GLRA2: variants seen among roughly 807,000 people sequenced by gnomAD.
The protein encoded by GLRA2 is glycine receptor alpha 2.
In GLRA2, 11 loss-of-function variants were observed where a neutral mutation model predicts 31.6. The ratio of observed to expected loss-of-function variants is 0.35; its 90% confidence interval spans 0.22 to 0.58. GLRA2 has a LOEUF of 0.58. Among genes scored for constraint, GLRA2 ranks in the 20% least tolerant of loss-of-function variants. The pLI is 0.84. For missense variants in GLRA2, 212 were observed against 351.8 expected, an observed-to-expected ratio of 0.60 and a Z score of 3.18; for synonymous variants, 132 against 134.0, an observed-to-expected ratio of 0.99 and a Z score of 0.10.
intron 3 of GLRA2, among the ~76,000 whole-genome samples, chrX:14,578,008 A>T (rs1163061481): frequency 9.0e-6 from 1 of 111,505 alleles, no homozygotes; most frequent in Non-Finnish European, 1.9e-5. Context: ...GAGGACATTG[A>T]TTGGTGCTAT....
chrX:14,617,880 G>C (rs2090471306), intron 7 of GLRA2, among the ~76,000 whole-genome samples: 1 of 111,948 alleles, frequency 8.9e-6, no homozygotes, highest in Admixed American at 9.5e-5. Context: ...AAGGATCCTT[G>C]ATCTAGTCTG....
the GLRA2 span, among the ~76,000 whole-genome samples, chrX:14,474,871 T>G: frequency 8.9e-6 from 1 of 112,264 alleles, no homozygotes; most frequent in African/African-American, 3.2e-5. Context: ...GCTTACATTA[T>G]GTTTGTGAAG....
Position 14,604,294 on chromosome X carries a change from AT to A in GLRA2, c.495-11del, listed in dbSNP as rs770243895. ...TTCATAGATTTAAAAATGGTTTTTA[AT>A]TTTTTTTTTGTTTGCTAAGACTCAC... On this transcript the variant is annotated intron_variant, in intron 4 of 8. Coordinates refer to ENST00000218075, the MANE Select transcript of GLRA2 (RefSeq NM_002063.4). 6.9e-3 allele frequency: 6,434 copies of A among 931,640 alleles called. 12 individuals carry two copies. Among genetic ancestry groups the A allele is most frequent in the Non-Finnish European group, 8.2e-3 (5,543 of 672,786 alleles). 76.8% of individuals were successfully genotyped at this position (931,640 alleles called of 1,213,427 possible).
At chrX:14,469,899 A>G in the GLRA2 span, among the ~76,000 whole-genome samples, 16 of 111,085 alleles carry the variant, frequency 1.4e-4, no homozygotes, top group Non-Finnish European at 1.1e-4. Context: ...TGCTTTTTTA[A>G]CTCAATGAAA....
chrX:14,671,724 C>T (rs1254927871), intron 7 of GLRA2, among the ~76,000 whole-genome samples: 1 of 112,482 alleles, frequency 8.9e-6, no homozygotes, highest in Non-Finnish European at 1.9e-5. Flanking sequence ...GAGAATTGTC[C>T]ATTGAATCTG....
chrX:14,667,112 T>C (rs2091044916), intron 7 of GLRA2, among the ~76,000 whole-genome samples: 1 of 112,125 alleles, frequency 8.9e-6, no homozygotes, highest in African/African-American at 3.2e-5. Context: ...TATCTGTGTA[T>C]ACAATGACAA....
chrX:14,500,201 A>G, the GLRA2 span, among the ~76,000 whole-genome samples: 1 of 112,148 alleles, frequency 8.9e-6, no homozygotes, highest in Non-Finnish European at 1.9e-5. Flanking sequence ...GTGGCTGTTC[A>G]GCATCACCAT....
chrX:14,497,528 G>C, the GLRA2 span, among the ~76,000 whole-genome samples: 1 of 110,724 alleles, frequency 9.0e-6, no homozygotes, highest in Non-Finnish European at 1.9e-5. Flanking sequence ...GTGGTCCTGG[G>C]CTTTGCAAAC....
At chrX:14,556,828 A>T (rs774273083) in intron 2 of GLRA2, among the ~76,000 whole-genome samples, 1 of 111,812 alleles carries the variant, frequency 8.9e-6, no homozygotes, top group Non-Finnish European at 1.9e-5. Context: ...TATTCAGCAA[A>T]TTGTTTCTGA....
At chrX:14,572,744 C>T (rs938170911) in intron 2 of GLRA2, among the ~76,000 whole-genome samples, 15 of 111,513 alleles carry the variant, frequency 1.3e-4, no homozygotes, top group Non-Finnish European at 2.4e-4. Flanking sequence ...TCTGTGCCTA[C>T]AAATATATTT....
At chrX:14,600,295 G>A (rs766610988) in intron 4 of GLRA2, among the ~76,000 whole-genome samples, 9 of 111,241 alleles carry the variant, frequency 8.1e-5, no homozygotes, top group African/African-American at 2.9e-4. Context: ...CCTATGATTA[G>A]GAATATTAAA....
chrX:14,729,520 G>A (rs1186644680), intron 8 of GLRA2, among the ~76,000 whole-genome samples: 1 of 111,379 alleles, frequency 9.0e-6, no homozygotes, highest in Admixed American at 9.6e-5. Context: ...ACTGACATCA[G>A]CTAAAATGAC....
chrX:14,475,481 A>T, the GLRA2 span, among the ~76,000 whole-genome samples: 1 of 112,055 alleles, frequency 8.9e-6, no homozygotes, highest in African/African-American at 3.2e-5. Flanking sequence ...GATCACCTGG[A>T]GTGTTGTTAA....
At chrX:14,634,633 C>A (rs767447506) in intron 7 of GLRA2, among the ~76,000 whole-genome samples, 3 of 111,573 alleles carry the variant, frequency 2.7e-5, no homozygotes, top group Non-Finnish European at 5.6e-5. Flanking sequence ...TAGAACCCAG[C>A]AGCAGAGCAA....
At chrX:14,476,852 C>T in the GLRA2 span, among the ~76,000 whole-genome samples, 2 of 111,777 alleles carry the variant, frequency 1.8e-5, no homozygotes, top group African/African-American at 6.5e-5. Context: ...TTGAAAGTAA[C>T]GGGAAAAACT....
At chrX:14,554,495 G>A (rs1440644386) in intron 2 of GLRA2, among the ~76,000 whole-genome samples, 1 of 111,653 alleles carries the variant, frequency 9.0e-6, no homozygotes, top group Admixed American at 9.5e-5. Context: ...GCCTGGCAGT[G>A]CAGTGGCCTT....
At chrX:14,513,753 A>G in the GLRA2 span, among the ~76,000 whole-genome samples, 1 of 111,701 alleles carries the variant, frequency 9.0e-6, no homozygotes, top group Non-Finnish European at 1.9e-5. Flanking sequence ...ATAATCAAAA[A>G]ATCAAAAAAT....
intron 8 of GLRA2, among the ~76,000 whole-genome samples, chrX:14,718,507 G>A (rs999818541): frequency 2.7e-5 from 3 of 112,043 alleles, no homozygotes; most frequent in African/African-American, 9.7e-5. Flanking sequence ...ATCTTACTAT[G>A]CTCAGGAATT....
chrX:14,584,388 G>A (rs1187479129), intron 4 of GLRA2, among the ~76,000 whole-genome samples: 3 of 111,262 alleles, frequency 2.7e-5, no homozygotes, highest in African/African-American at 9.8e-5. Context: ...GCCCCCTTTC[G>A]CTATATAAAT....
Sources: gnomAD v4.1 joint callset for allele counts (sites outside exome capture counted in the v4.1 genomes callset) on GRCh38, gnomAD v4.1.1 for gene constraint, MANE v1.5 for transcripts, NCBI Gene and HGNC (gene_info 2026-07-23, HGNC 2026-07-21) for gene names.